NALF1: variants seen among roughly 807,000 people sequenced by gnomAD.
NALF1 encodes the protein NALCN channel auxiliary factor 1, also known as family with sequence similarity 155 member A.
A neutral mutation model predicts 48.4 loss-of-function variants in NALF1; 3 were observed. The ratio of observed to expected loss-of-function variants is 0.06; its 90% CI spans 0.03 to 0.16. The LOEUF is 0.16. Ranked by LOEUF, NALF1 falls within the 10% of genes least tolerant of loss-of-function variation. NALF1 has a pLI of 1.00. For synonymous variants in NALF1, 262 were observed against 245.7 expected (o/e 1.07, Z -0.62); for missense variants, 526 against 571.5 (o/e 0.92, Z 0.81).
intron 1 of NALF1, among the ~76,000 whole-genome samples, chr13:107,732,977 C>T (rs1313349281): frequency 3.3e-5 from 5 of 152,028 alleles, no homozygotes; most frequent in South Asian, 2.1e-4. Context: ...TTTGGGGTGA[C>T]GGCACCATTG....
intron 1 of NALF1, among the ~76,000 whole-genome samples, chr13:107,628,563 A>G (rs1041129488): frequency 1.3e-5 from 2 of 152,288 alleles, no homozygotes; most frequent in Admixed American, 6.5e-5. Context: ...TGTCACAGAT[A>G]AGCGTGAGCA....
intron 1 of NALF1, among the ~76,000 whole-genome samples, chr13:107,556,870 A>G (rs1369360958): frequency 6.6e-6 from 1 of 152,110 alleles, no homozygotes; most frequent in Middle Eastern, 3.2e-3. Flanking sequence ...AGGAGGAGAA[A>G]AGGGAGGAGA....
chr13:107,501,972 T>C (rs1162465564), intron 1 of NALF1, among the ~76,000 whole-genome samples: 1 of 152,190 alleles, frequency 6.6e-6, no homozygotes, highest in Non-Finnish European at 1.5e-5. Flanking sequence ...ATAAACCTTT[T>C]GTCATTTGCA....
At chr13:107,394,137 C>T (rs1883671485) in intron 1 of NALF1, among the ~76,000 whole-genome samples, 1 of 152,066 alleles carries the variant, frequency 6.6e-6, no homozygotes, top group African/African-American at 2.4e-5. Flanking sequence ...CATCCTTTTC[C>T]TTATTAGCAT....
chr13:107,596,713 T>C lies in NALF1; in HGVS notation c.915+268969A>G, dbSNP rs191806705. Among the ~76,000 whole-genome samples, 230 of 152,168 alleles carry C rather than the reference T, an allele frequency of 1.5e-3. 1 individual carries two copies. Among genetic ancestry groups the C allele is most frequent in the African/African-American group, 5.3e-3 (220 of 41,516 alleles). On this transcript the variant is annotated intron_variant, in intron 1 of 2. Coordinates refer to ENST00000375915, the MANE Select transcript of NALF1 (RefSeq NM_001080396.3). ...AGGGGGAGGATAGCATTATGAGAAA[T>C]ACCTAATGTAGATGATGGGTTGATG...
At chr13:107,341,170 A>T (rs1882673529) in intron 1 of NALF1, among the ~76,000 whole-genome samples, 1 of 152,018 alleles carries the variant, frequency 6.6e-6, no homozygotes, top group South Asian at 2.1e-4. Flanking sequence ...ATTGACAAAC[A>T]CAGGAGATGT....
intron 1 of NALF1, among the ~76,000 whole-genome samples, chr13:107,264,942 C>T (rs1253208864): frequency 6.6e-6 from 1 of 152,230 alleles, no homozygotes; most frequent in Non-Finnish European, 1.5e-5. Context: ...AACACTGTTG[C>T]ACTAAATAGG....
chr13:107,400,688 A>C (rs1883789535), intron 1 of NALF1, among the ~76,000 whole-genome samples: 1 of 151,422 alleles, frequency 6.6e-6, no homozygotes, highest in South Asian at 2.1e-4. Context: ...TGGGTGACAG[A>C]GCGAGACTCT....
chr13:107,372,537 A>G (rs1339106663), intron 1 of NALF1, among the ~76,000 whole-genome samples: 3 of 152,256 alleles, frequency 2.0e-5, no homozygotes, highest in Non-Finnish European at 4.4e-5. Flanking sequence ...CATTTGAAAT[A>G]TAGCAGAGAA....
chr13:107,505,821 T>C (rs1875680241), intron 1 of NALF1, among the ~76,000 whole-genome samples: 1 of 152,216 alleles, frequency 6.6e-6, no homozygotes, highest in Admixed American at 6.5e-5. Flanking sequence ...TCCATATTAT[T>C]GTGAGAATTA....
At chr13:107,721,158 A>G (rs1164943345) in intron 1 of NALF1, among the ~76,000 whole-genome samples, 1 of 151,810 alleles carries the variant, frequency 6.6e-6, no homozygotes, top group Non-Finnish European at 1.5e-5. Flanking sequence ...ACGTAATGAA[A>G]TAATCATAAC....
At chr13:107,808,979 C>G (rs1216703962) in intron 1 of NALF1, among the ~76,000 whole-genome samples, 1 of 152,084 alleles carries the variant, frequency 6.6e-6, no homozygotes, top group Non-Finnish European at 1.5e-5. Flanking sequence ...GCTAACAAAC[C>G]TTGTTTTCTG....
intron 1 of NALF1, among the ~76,000 whole-genome samples, chr13:107,789,767 G>A (rs1878178044): frequency 6.6e-6 from 1 of 152,144 alleles, no homozygotes; most frequent in Non-Finnish European, 1.5e-5. Context: ...CCAGCCGAAT[G>A]CCCATGCTCT....
intron 1 of NALF1, among the ~76,000 whole-genome samples, chr13:107,380,948 A>G (rs903563011): frequency 9.4e-5 from 14 of 149,130 alleles, no homozygotes; most frequent in African/African-American, 3.2e-4. Flanking sequence ...ACTGCACTCC[A>G]GCCTGTGCCA....
Position 107,640,623 on chromosome 13 carries a change from T to C in NALF1, c.915+225059A>G, listed in dbSNP as rs539847649. Among the ~76,000 whole-genome samples, 8 of 152,316 alleles carry C rather than the reference T, an allele frequency of 5.3e-5. No homozygotes were observed. In the South Asian group the frequency reaches 1.4e-3, roughly 28 times the overall value. ...TTTCATCCATCACTCCATGGAAATA[T>C]ATCAGCCAGGGGACAATATTTGCAT... On this transcript the variant is annotated intron_variant, in intron 1 of 2. Transcript: ENST00000375915.
In NALF1 at chr13:107,807,643, G is replaced by T. The variant is rs955217610; in HGVS notation, c.915+58039C>A. On this transcript the variant is annotated intron_variant, in intron 1 of 2. Coordinates refer to ENST00000375915, the MANE Select transcript of NALF1 (RefSeq NM_001080396.3). ...GTTCCTTCTACAAATAATAATTTATGCCAGAAGCAAATGTTATCTGGTGAG... is the reference window on the plus strand; with the variant it reads ...GTTCCTTCTACAAATAATAATTTATTCCAGAAGCAAATGTTATCTGGTGAG... 8.5e-5 allele frequency among the ~76,000 whole-genome samples: 13 copies of T among 152,158 alleles called. No individual in the cohort carries two copies. In the East Asian group the frequency reaches 2.5e-3, roughly 29 times the overall value.
chr13:107,663,646 T>A (rs1399720701), intron 1 of NALF1, among the ~76,000 whole-genome samples: 7 of 152,172 alleles, frequency 4.6e-5, no homozygotes, highest in African/African-American at 1.7e-4. Context: ...TCAAGAAATA[T>A]AATCTGTTTC....
At chr13:107,561,837 T>C (rs375691851) in intron 1 of NALF1, among the ~76,000 whole-genome samples, 2 of 152,326 alleles carry the variant, frequency 1.3e-5, no homozygotes, top group Middle Eastern at 3.4e-3. Context: ...CCATATTAAC[T>C]TCTCAAAGGC....
At chr13:107,377,888 A>T (rs1883365419) in intron 1 of NALF1, among the ~76,000 whole-genome samples, 1 of 152,238 alleles carries the variant, frequency 6.6e-6, no homozygotes, top group Non-Finnish European at 1.5e-5. Flanking sequence ...CTGACTTTAA[A>T]TATGAATGAG....
Sources: gnomAD v4.1 joint callset for allele counts (sites outside exome capture counted in the v4.1 genomes callset) on GRCh38, gnomAD v4.1.1 for gene constraint, MANE v1.5 for transcripts, NCBI Gene and HGNC (gene_info 2026-07-23, HGNC 2026-07-21) for gene names.